The following MAPK10 variants were observed in gnomAD, a reference collection of about 807,000 sequenced individuals.
MAPK10 encodes JNK3 alpha protein kinase.
Under a neutral mutation model 59.3 loss-of-function variants are expected in MAPK10, and 25 were observed. The ratio of observed to expected loss-of-function variants is 0.42; its 90% CI spans 0.31 to 0.59. The LOEUF is 0.59. Among genes scored for constraint, MAPK10 ranks in the 20% least tolerant of loss-of-function variants. MAPK10 has a pLI of 0.15. For missense variants in MAPK10, 351 were observed against 568.9 expected (o/e 0.62, Z 3.90); for synonymous variants, 190 against 200.5 (o/e 0.95, Z 0.44).
chr4:86,497,643 G>A (rs756308562), intron 1 of MAPK10, among the ~76,000 whole-genome samples: 3 of 152,202 alleles, frequency 2.0e-5, no homozygotes, highest in Non-Finnish European at 4.4e-5. Context: ...AGGGCTAAGT[G>A]GTGTGCTGAT....
intron 2 of MAPK10, among the ~76,000 whole-genome samples, chr4:86,205,849 CA>C (rs754147202): frequency 6.6e-6 from 1 of 151,680 alleles, no homozygotes; most frequent in Non-Finnish European, 1.5e-5. Flanking sequence ...CTATCAAAAG[CA>C]ACAAATATCA....
chr4:86,576,540 C>T (rs1761905200), intron 1 of MAPK10, among the ~76,000 whole-genome samples: 1 of 151,842 alleles, frequency 6.6e-6, no homozygotes, highest in African/African-American at 2.4e-5. Flanking sequence ...TTTGGGAGGC[C>T]GAGACGGGTG....
intron 1 of MAPK10, among the ~76,000 whole-genome samples, chr4:86,536,686 A>T (rs553312214): frequency 6.6e-6 from 1 of 152,362 alleles, no homozygotes; most frequent in East Asian, 1.9e-4. Context: ...ATTGTGCATT[A>T]TACTAATCAA....
At position 86,159,424 on chromosome 4, in the gene MAPK10, T is replaced by TA; in HGVS notation, c.109dup (p.Tyr37LeufsTer9). The TA allele has an allele frequency of 6.2e-7, 1 of 1,612,502 alleles. No individual in the cohort carries two copies. Among genetic ancestry groups the TA allele is most frequent in the Middle Eastern group, 1.7e-4 (1 of 6,054 alleles). Reference sequence around the variant, plus strand: ...GTCAACTTTGCTTTTGCTCATGTTGTAATGTTTGGCAATATATGACACATC... The same window carrying TA: ...GTCAACTTTGCTTTTGCTCATGTTGTAAATGTTTGGCAATATATGACACATC... On this transcript the variant is annotated frameshift_variant, in exon 4 of 14. Coordinates refer to ENST00000641462, the MANE Select transcript of MAPK10 (RefSeq NM_138982.4). LOFTEE classifies it high-confidence loss of function.
intron 1 of MAPK10, among the ~76,000 whole-genome samples, chr4:86,524,698 C>G (rs1041405577): frequency 3.3e-5 from 5 of 152,140 alleles, no homozygotes; most frequent in African/African-American, 1.2e-4. Flanking sequence ...CATTTACACT[C>G]TCTCTCCCCT....
chr4:86,313,328 A>G (rs895211741), intron 2 of MAPK10, among the ~76,000 whole-genome samples: 1 of 152,138 alleles, frequency 6.6e-6, no homozygotes, highest in East Asian at 1.9e-4. Context: ...AGATAGGCAA[A>G]TATTTCTTCA....
chr4:86,087,440 T>A (rs2052127311), intron 9 of MAPK10, among the ~76,000 whole-genome samples: 1 of 152,248 alleles, frequency 6.6e-6, no homozygotes, highest in East Asian at 1.9e-4. Flanking sequence ...AGAAGTCCTG[T>A]TTTTTAAAAT....
At chr4:86,103,075 C>CTCTGTG (rs563777764) in intron 6 of MAPK10, 111 bp downstream of exon 6, 5 of 496,824 alleles carry the variant, frequency 1.0e-5, no homozygotes, top group Non-Finnish European at 1.8e-5. Flanking sequence ...GATTTCAACT[C>CTCTGTG]TGTGTGTGTG....
intron 1 of MAPK10, among the ~76,000 whole-genome samples, chr4:86,559,947 A>G (rs1442898646): frequency 1.3e-5 from 2 of 151,832 alleles, no homozygotes; most frequent in East Asian, 1.9e-4. Context: ...CAAAAAAAAA[A>G]AAAAGAAAAG....
intron 3 of MAPK10, among the ~76,000 whole-genome samples, chr4:86,172,882 T>C (rs537858782): frequency 1.3e-5 from 2 of 151,416 alleles, no homozygotes; most frequent in South Asian, 2.1e-4. Context: ...ACAAAGAGAA[T>C]AAAATGCCTA....
intron 13 of MAPK10, among the ~76,000 whole-genome samples, chr4:86,019,237 T>C (rs889955465): frequency 3.9e-5 from 6 of 152,232 alleles, no homozygotes; most frequent in African/African-American, 1.4e-4. Flanking sequence ...TCCCTGGTCG[T>C]GATCTTTTAA....
chr4:86,126,516 A>G (rs1475277226), intron 4 of MAPK10, among the ~76,000 whole-genome samples: 1 of 152,060 alleles, frequency 6.6e-6, no homozygotes, highest in African/African-American at 2.4e-5. Flanking sequence ...AAAGCTTTAA[A>G]TATGTTAGAA....
At chr4:86,202,650 A>G (rs1172403353) in intron 2 of MAPK10, among the ~76,000 whole-genome samples, 2 of 151,940 alleles carry the variant, frequency 1.3e-5, no homozygotes, top group African/African-American at 4.8e-5. Flanking sequence ...AAGCACAATG[A>G]CTTCAGAAAT....
chr4:86,393,024 T>C (rs1178466701), intron 1 of MAPK10, among the ~76,000 whole-genome samples: 1 of 152,242 alleles, frequency 6.6e-6, no homozygotes, highest in Non-Finnish European at 1.5e-5. Context: ...TCCTTGAATG[T>C]AACTTCTTGC....
chr4:86,517,258 T>G (rs1199562826), intron 1 of MAPK10, among the ~76,000 whole-genome samples: 3 of 150,176 alleles, frequency 2.0e-5, no homozygotes, highest in Non-Finnish European at 4.4e-5. Flanking sequence ...CACTTGAACA[T>G]GGTGTATTAT....
intron 1 of MAPK10, among the ~76,000 whole-genome samples, chr4:86,468,214 T>C (rs1229442821): frequency 1.3e-5 from 2 of 152,198 alleles, no homozygotes; most frequent in Non-Finnish European, 2.9e-5. Context: ...TACCTGGTTG[T>C]TGCTAGCCTT....
intron 11 of MAPK10, 80 bp from the exon 12 acceptor site, chr4:86,031,511 G>T (rs1381472631): frequency 5.2e-6 from 5 of 954,742 alleles, no homozygotes; most frequent in African/African-American, 3.2e-5. Flanking sequence ...AGAATACCTT[G>T]CCCTCATTTA....
intron 1 of MAPK10, among the ~76,000 whole-genome samples, chr4:86,478,278 C>T (rs1235956540): frequency 6.6e-6 from 1 of 152,184 alleles, no homozygotes; most frequent in Non-Finnish European, 1.5e-5. Flanking sequence ...ACTGCCCCCA[C>T]CCTAGCTTTC....
chr4:86,567,502 G>A (rs1312323234), intron 1 of MAPK10, among the ~76,000 whole-genome samples: 2 of 152,164 alleles, frequency 1.3e-5, no homozygotes, highest in African/African-American at 4.8e-5. Flanking sequence ...TTACAGGCGT[G>A]AGCCACCACA....
Sources: allele counts gnomAD v4.1 joint callset (sites outside exome capture counted in the v4.1 genomes callset), GRCh38; gene constraint gnomAD v4.1.1; transcripts MANE v1.5; gene names NCBI Gene and HGNC (gene_info 2026-07-23, HGNC 2026-07-21).